TNS1: variants seen among roughly 807,000 people sequenced by gnomAD.
The protein encoded by TNS1 is tensin-1.
A neutral mutation model predicts 168.6 loss-of-function variants in TNS1; 62 were observed. The observed-to-expected ratio is 0.37, with a 90% CI of 0.30 to 0.45. TNS1 has a LOEUF of 0.45. Ranked by LOEUF, TNS1 falls within the 20% of genes least tolerant of loss-of-function variation. The pLI, the probability that TNS1 is intolerant of heterozygous loss-of-function variation, is 1.00. For synonymous variants in TNS1, 934 were observed against 933.2 expected (o/e 1.00, Z -0.02); for missense variants, 2,240 against 2,339.4 (o/e 0.96, Z 0.88).
At chr2:217,852,115 A>G (rs547082619) in intron 18 of TNS1, among the ~76,000 whole-genome samples, 8 of 152,328 alleles carry the variant, frequency 5.3e-5, no homozygotes, top group Non-Finnish European at 8.8e-5. Flanking sequence ...ATTGCACTCC[A>G]GCCTGGGTGA....
chr2:218,026,058 A>G (rs887290367), intron 1 of TNS1, among the ~76,000 whole-genome samples: 2 of 152,220 alleles, frequency 1.3e-5, no homozygotes, highest in African/African-American at 4.8e-5. Flanking sequence ...TCCTCCATTC[A>G]GTCCCATCTT....
upstream of TNS1, among the ~76,000 whole-genome samples, chr2:218,011,214 G>A (rs945065867): frequency 3.3e-5 from 5 of 152,204 alleles, no homozygotes; most frequent in African/African-American, 9.6e-5. Flanking sequence ...GGAATATTGT[G>A]TGAGGTCATC....
intron 2 of TNS1, among the ~76,000 whole-genome samples, chr2:217,988,954 G>A (rs1385305043): frequency 6.6e-6 from 1 of 152,162 alleles, no homozygotes; most frequent in Non-Finnish European, 1.5e-5. Context: ...AAATTGTTCA[G>A]TGGGCTCTGA....
Position 217,958,003 on chromosome 2 carries a change from T to TCA in TNS1, c.186+20760_186+20761dup, listed in dbSNP as rs57381974. ...TTTTAAATCTCCCATAATAAAGAAT[T>TCA]CACACACACACACACACACACACAC... On this transcript the variant is annotated intron_variant, in intron 3 of 32. Coordinates refer to ENST00000682258, the MANE Select transcript of TNS1 (RefSeq NM_001387777.1). Among the ~76,000 whole-genome samples, 543 of 145,822 alleles carry TCA rather than the reference T, an allele frequency of 3.7e-3. 5 individuals are homozygous for TCA. The highest frequency in any genetic ancestry group is 0.028 in the East Asian group (141 of 5,024).
intron 3 of TNS1, among the ~76,000 whole-genome samples, chr2:217,976,731 C>A (rs577627359): frequency 1.3e-5 from 2 of 152,380 alleles, no homozygotes; most frequent in African/African-American, 4.8e-5. Context: ...TCTGTCATAT[C>A]TTTCTGGGCC....
intron 22 of TNS1, among the ~76,000 whole-genome samples, chr2:217,828,683 C>T (rs1337589201): frequency 6.6e-6 from 1 of 152,210 alleles, no homozygotes; most frequent in Non-Finnish European, 1.5e-5. Context: ...CCCTGGTGCC[C>T]AGTGCAGGGC....
intron 30 of TNS1, 65 bp from the exon 31 acceptor site, chr2:217,808,736 A>G (rs1198206522): frequency 6.7e-7 from 1 of 1,500,640 alleles, no homozygotes. Context: ...CCCTCCTTCC[A>G]CCAGCAGGTC....
chr2:218,021,750 T>A (rs567043924), intron 1 of TNS1, among the ~76,000 whole-genome samples: 1 of 152,190 alleles, frequency 6.6e-6, no homozygotes, highest in South Asian at 2.1e-4. Context: ...AGCAGACATG[T>A]CCCCCAAGGA....
At chr2:217,958,769 G>A (rs1283154683) in intron 3 of TNS1, among the ~76,000 whole-genome samples, 1 of 152,198 alleles carries the variant, frequency 6.6e-6, no homozygotes, top group Non-Finnish European at 1.5e-5. Context: ...CCAGTCCAGC[G>A]GGAGCCTGAG....
chr2:217,809,988 C>A lies in TNS1; in HGVS notation c.5108G>T (p.Cys1703Phe), dbSNP rs182528477. 2 of 1,610,352 alleles carry A rather than the reference C, an allele frequency of 1.2e-6. No individual in the cohort carries two copies. Among genetic ancestry groups the A allele is most frequent in the African/African-American group, 1.3e-5 (1 of 74,902 alleles). Residue 1703 changes from cysteine (C) to phenylalanine (F), a missense_variant, in exon 30 of 33, where the codon TGC becomes TTC. Around this residue, in one of 2 missense-constraint regions of TNS1, gnomAD observed 2,131 missense variants for 2,171.2 expected, o/e 0.98. Coordinates refer to ENST00000682258, the MANE Select transcript of TNS1 (RefSeq NM_001387777.1). ...CACAGAGTTGACGAAGAGCACATTG[C>A]AGGCTGGAAGAAACCAACCCAAGGG... ...TADLLKQGAA[C>F]NVLFVNSVDM...
intron 18 of TNS1, chr2:217,850,006 C>A (rs1947246974): frequency 1.0e-6 from 1 of 985,318 alleles, no homozygotes; most frequent in East Asian, 1.1e-4. Flanking sequence ...CTGCCCACTG[C>A]CACATTTCCA....
chr2:217,973,367 G>GAAA (rs58463140), intron 3 of TNS1, among the ~76,000 whole-genome samples: 81 of 93,562 alleles, frequency 8.7e-4, no homozygotes, highest in South Asian at 3.0e-3. Flanking sequence ...TCCTGTCTCT[G>GAAA]AAAAAAAAAA....
chr2:218,015,216 G>A (rs1403530981), upstream of TNS1, among the ~76,000 whole-genome samples: 2 of 152,148 alleles, frequency 1.3e-5, no homozygotes, highest in Non-Finnish European at 2.9e-5. Context: ...GAGGCCCAGA[G>A]GGGTAAAGTG....
intron 6 of TNS1, among the ~76,000 whole-genome samples, chr2:217,904,397 A>T (rs978195509): frequency 1.3e-5 from 2 of 152,128 alleles, no homozygotes; most frequent in Admixed American, 1.3e-4. Flanking sequence ...ACTGCTGGAG[A>T]GTCCCGTGGC....
chr2:217,862,769 C>G (rs112558157), intron 18 of TNS1, among the ~76,000 whole-genome samples: 254 of 152,306 alleles, frequency 1.7e-3, no homozygotes, highest in African/African-American at 5.1e-3. Context: ...TGCCAGATCT[C>G]AGTCAGATGC....
In TNS1 at chr2:217,817,790, C is replaced by A. The variant is rs766339399; in HGVS notation, c.4542G>T (p.Lys1514Asn). The A allele has an allele frequency of 6.2e-7, 1 of 1,614,222 alleles. No homozygotes were observed. The highest frequency in any genetic ancestry group is 8.5e-7 in the Non-Finnish European group (1 of 1,180,040). The change falls in exon 24 of 33, where the codon AAG becomes AAT. Residue 1514 changes from lysine to asparagine, a missense_variant. Physicochemically the swap from Lys to Asn is moderately conservative, Grantham distance 94 (BLOSUM62 0). Transcript: ENST00000682258. ...TGCCGCTGGCGACAGGCGAAGACAC[C>A]TTCCCATTGATGGTGGCATAGTTGG... is the stretch of plus-strand genomic sequence containing the variant. The part of the protein sequence containing the change: ...SLPNYATING[K>N]VSSPVASGMS...
upstream of TNS1, among the ~76,000 whole-genome samples, chr2:218,014,782 C>T (rs1225782512): frequency 6.6e-6 from 1 of 152,230 alleles, no homozygotes; most frequent in African/African-American, 2.4e-5. Context: ...TTCATGCCTA[C>T]ATCCCTAGTA....
chr2:218,016,921 C>A (rs1574482180), intron 1 of TNS1, among the ~76,000 whole-genome samples: 1 of 152,148 alleles, frequency 6.6e-6, no homozygotes, highest in South Asian at 2.1e-4. Context: ...CAGTGAAGGG[C>A]CAGCATCCTG....
At chr2:217,901,423 T>C (rs983655187) in intron 6 of TNS1, among the ~76,000 whole-genome samples, 5 of 152,200 alleles carry the variant, frequency 3.3e-5, no homozygotes, top group Non-Finnish European at 7.3e-5. Context: ...GTTGTTACTT[T>C]TGTATCAAGA....
Sources: allele counts gnomAD v4.1 joint callset (sites outside exome capture counted in the v4.1 genomes callset), GRCh38; gene constraint gnomAD v4.1.1; regional missense constraint gnomAD v4.1.1; transcripts MANE v1.5; gene names NCBI Gene and HGNC (gene_info 2026-07-23, HGNC 2026-07-21).